PDSS2: variants seen among roughly 807,000 people sequenced by gnomAD.
PDSS2 encodes the protein decaprenyl diphosphate synthase subunit 2.
In PDSS2, 31 loss-of-function variants were observed where a neutral mutation model predicts 44.5. The observed-to-expected ratio is 0.70, with a 90% CI of 0.52 to 0.94. The LOEUF is 0.94. Ranked by LOEUF, PDSS2 falls within the 40% of genes least tolerant of loss-of-function variation. The probability of loss-of-function intolerance (pLI) is 0.00; values close to 1 mark genes in which losing one functional copy is unlikely to be tolerated. For synonymous variants in PDSS2, 157 were observed against 180.3 expected (o/e 0.87, Z 1.03); for missense variants, 452 against 482.2 (o/e 0.94, Z 0.59).
intron 1 of PDSS2, among the ~76,000 whole-genome samples, chr6:107,375,835 A>G (rs1779268548): frequency 6.6e-6 from 1 of 152,236 alleles, no homozygotes; most frequent in Non-Finnish European, 1.5e-5. Context: ...ATACACCATG[A>G]CCAAGTACAG....
At position 107,254,032 on chromosome 6, in the gene PDSS2, TTTC is replaced by T. The variant is rs201200164; in HGVS notation, c.631-8416_631-8414del. Among the ~76,000 whole-genome samples the T allele has an allele frequency of 0.016, 2,379 of 148,738 alleles. 93 individuals carry two copies. The East Asian group carries it at 0.16, about 10-fold the overall frequency. On this transcript the variant is annotated intron_variant, in intron 3 of 7. Transcript: ENST00000369037. Reference sequence around the variant, plus strand: ...ATTTTCTTTTCTTTTTCTTTCTTTCTTTCTTTTTTTTTTTTTTTTGAGACAGAG... The same window carrying T: ...ATTTTCTTTTCTTTTTCTTTCTTTCTTTTTTTTTTTTTTTTTGAGACAGAG...
chr6:107,259,509 A>C (rs1435232812), intron 3 of PDSS2, among the ~76,000 whole-genome samples: 1 of 150,268 alleles, frequency 6.7e-6, no homozygotes, highest in Non-Finnish European at 1.5e-5. Flanking sequence ...CTAAAAATAC[A>C]AAAAAAAAGG....
intron 2 of PDSS2, among the ~76,000 whole-genome samples, chr6:107,291,578 C>T (rs1406252598): frequency 1.3e-5 from 2 of 149,184 alleles, no homozygotes; most frequent in Non-Finnish European, 3.0e-5. Flanking sequence ...GTTGCCCAGG[C>T]TGGTCTTGAA....
At chr6:107,316,458 T>C (rs183217327) in intron 2 of PDSS2, among the ~76,000 whole-genome samples, 1 of 152,228 alleles carries the variant, frequency 6.6e-6, no homozygotes, top group African/African-American at 2.4e-5. Context: ...CTTTTTTTTT[T>C]AAATGTAAAT....
At chr6:107,159,380 G>C (rs1467367878) in intron 7 of PDSS2, among the ~76,000 whole-genome samples, 5 of 150,648 alleles carry the variant, frequency 3.3e-5, no homozygotes, top group Non-Finnish European at 7.4e-5. Flanking sequence ...AGGGAGGAAG[G>C]GAGAGAAAGC....
At chr6:107,336,743 T>C (rs1042605649) in intron 1 of PDSS2, among the ~76,000 whole-genome samples, 2 of 151,926 alleles carry the variant, frequency 1.3e-5, no homozygotes, top group African/African-American at 4.8e-5. Context: ...ATAGTGAATC[T>C]TTATTCTTCC....
chr6:107,241,344 C>CTTT (rs58623641), intron 4 of PDSS2, among the ~76,000 whole-genome samples: 175 of 77,962 alleles, frequency 2.2e-3, no homozygotes, highest in Admixed American at 2.9e-3. Flanking sequence ...TCTTCTTCTT[C>CTTT]TTTTTTTTTT....
At chr6:107,296,607 A>G (rs1463986498) in intron 2 of PDSS2, among the ~76,000 whole-genome samples, 1 of 152,156 alleles carries the variant, frequency 6.6e-6, no homozygotes, top group Non-Finnish European at 1.5e-5. Context: ...GGAGCCTGTA[A>G]TCCCAGCTAC....
chr6:107,217,728 T>A (rs988314165), intron 4 of PDSS2, among the ~76,000 whole-genome samples: 14 of 152,164 alleles, frequency 9.2e-5, no homozygotes, highest in African/African-American at 3.4e-4. Flanking sequence ...ATCCTACAGA[T>A]AAACCTACAT....
chr6:107,295,677 C>G (rs959252404), intron 2 of PDSS2, among the ~76,000 whole-genome samples: 2 of 152,176 alleles, frequency 1.3e-5, no homozygotes, highest in Admixed American at 1.3e-4. Flanking sequence ...TGAATCCATG[C>G]TCCTTCCATT....
At chr6:107,260,658 ATTTTTTT>A (rs540553793) in intron 3 of PDSS2, among the ~76,000 whole-genome samples, 5 of 93,414 alleles carry the variant, frequency 5.4e-5, no homozygotes, top group South Asian at 3.9e-4. Flanking sequence ...TTCCCCCTTC[ATTTTTTT>A]TTTTTTTTTT....
intron 6 of PDSS2, 99 bp downstream of exon 6, chr6:107,210,340 A>G: frequency 2.2e-6 from 2 of 896,034 alleles, no homozygotes; most frequent in Admixed American, 3.5e-5. Flanking sequence ...GAATATGCCT[A>G]AGGCTCATCT....
chr6:107,326,929 G>A (rs544610244), intron 2 of PDSS2, among the ~76,000 whole-genome samples: 1 of 152,082 alleles, frequency 6.6e-6, no homozygotes, highest in East Asian at 1.9e-4. Context: ...ATGTATCCTG[G>A]CAAATAGACC....
At chr6:107,186,645 T>C (rs1479245902) in intron 7 of PDSS2, among the ~76,000 whole-genome samples, 2 of 152,048 alleles carry the variant, frequency 1.3e-5, no homozygotes, top group Admixed American at 6.6e-5. Context: ...GTGTGTGTTG[T>C]TCCCCTCCCT....
intron 2 of PDSS2, among the ~76,000 whole-genome samples, chr6:107,325,840 T>G (rs1043064708): frequency 6.6e-6 from 1 of 152,238 alleles, no homozygotes. Context: ...TTTTTGTAAT[T>G]TGGGCTTTGT....
rs1485990312 is a variant in PDSS2 at position 107,348,671 on chromosome 6, G to A, written c.297-14339C>T. The stretch of plus-strand genomic sequence containing the variant: ...TCACTTCATGTTTCTAAACTGAAAT[G>A]TTTCCATCAGTACAAAGGCCATATT... On this transcript the variant is annotated intron_variant, in intron 1 of 7. Coordinates refer to ENST00000369037, the MANE Select transcript of PDSS2 (RefSeq NM_020381.4). Among the ~76,000 whole-genome samples the A allele has an allele frequency of 3.3e-5, 5 of 152,166 alleles. No individual in the cohort carries two copies. The East Asian group carries it at 9.6e-4, about 29-fold the overall frequency.
At chr6:107,264,315 T>C in intron 3 of PDSS2, 3 of 1,439,904 alleles carry the variant, frequency 2.1e-6, no homozygotes, top group Non-Finnish European at 2.7e-6. Context: ...GAAAACAAAG[T>C]TAACATAAGG....
chr6:107,425,961 GA>G (rs111535075), intron 1 of PDSS2, among the ~76,000 whole-genome samples: 3,543 of 113,992 alleles, frequency 0.031, 87 homozygotes, highest in East Asian at 0.15. Context: ...ACTTCGTCTC[GA>G]AAAAAAAAAA....
intron 1 of PDSS2, among the ~76,000 whole-genome samples, chr6:107,350,794 G>C (rs1778408583): frequency 6.6e-6 from 1 of 151,646 alleles, no homozygotes; most frequent in Non-Finnish European, 1.5e-5. Flanking sequence ...TGGGTGAACA[G>C]AGCAGGACCC....
Sources: allele counts gnomAD v4.1 joint callset (sites outside exome capture counted in the v4.1 genomes callset), GRCh38; gene constraint gnomAD v4.1.1; transcripts MANE v1.5; gene names NCBI Gene and HGNC (gene_info 2026-07-23, HGNC 2026-07-21).